EYA2: variants seen among roughly 807,000 people sequenced by gnomAD.
The protein encoded by EYA2 is protein phosphatase EYA2.
Under a neutral mutation model 69.2 loss-of-function variants are expected in EYA2, and 31 were observed. The observed-to-expected ratio is 0.45, with a 90% CI of 0.34 to 0.60. The LOEUF (loss-of-function observed/expected upper bound fraction) is 0.60, where lower values mean the gene tolerates loss of function less well. Ranked by LOEUF, EYA2 falls within the 20% of genes least tolerant of loss-of-function variation. EYA2 has a pLI of 0.02. For synonymous variants in EYA2, 257 were observed against 279.4 expected, an observed-to-expected ratio of 0.92 and a Z score of 0.80; for missense variants, 622 against 701.2, an observed-to-expected ratio of 0.89 and a Z score of 1.28.
chr20:46,896,961 T>G (rs1321119488), intron 1 of EYA2, among the ~76,000 whole-genome samples: 1 of 152,072 alleles, frequency 6.6e-6, no homozygotes, highest in African/African-American at 2.4e-5. Flanking sequence ...TCAGAAAAAC[T>G]AAAGGAAATA....
intron 10 of EYA2, among the ~76,000 whole-genome samples, chr20:47,162,693 A>G (rs781223121): frequency 1.3e-5 from 2 of 151,458 alleles, no homozygotes. Flanking sequence ...TAATTTTTGT[A>G]TTTTTGGTAG....
chr20:46,938,427 G>A (rs1600561812), intron 1 of EYA2, among the ~76,000 whole-genome samples: 1 of 152,306 alleles, frequency 6.6e-6, no homozygotes, highest in South Asian at 2.1e-4. Flanking sequence ...TATCATATCT[G>A]TAGGTCAGGA....
chr20:47,029,913 T>G (rs1330887549), intron 5 of EYA2, among the ~76,000 whole-genome samples: 5 of 152,222 alleles, frequency 3.3e-5, no homozygotes, highest in African/African-American at 9.6e-5. Flanking sequence ...TGGACTGATG[T>G]GTTGGAACAG....
At chr20:46,966,978 G>GT (rs1350940421) in intron 1 of EYA2, among the ~76,000 whole-genome samples, 2 of 151,824 alleles carry the variant, frequency 1.3e-5, no homozygotes, top group African/African-American at 4.9e-5. Context: ...ATCTCAATTT[G>GT]TTTTTTGTTT....
At chr20:46,949,831 C>G (rs561735447) in intron 1 of EYA2, among the ~76,000 whole-genome samples, 18 of 152,338 alleles carry the variant, frequency 1.2e-4, no homozygotes, top group African/African-American at 4.3e-4. Context: ...TGGTTGCAAC[C>G]CTTGGCTGTG....
intron 3 of EYA2, among the ~76,000 whole-genome samples, chr20:47,004,185 G>T (rs1473106590): frequency 6.6e-6 from 1 of 152,148 alleles, no homozygotes; most frequent in Non-Finnish European, 1.5e-5. Context: ...ATTTTTGGGG[G>T]AATATCTGGA....
intron 1 of EYA2, among the ~76,000 whole-genome samples, chr20:46,955,437 C>T (rs962112276): frequency 1.3e-5 from 2 of 152,242 alleles, no homozygotes; most frequent in East Asian, 1.9e-4. Flanking sequence ...AACCTCTACA[C>T]ACTTTGGGGT....
At chr20:47,117,446 T>C in intron 9 of EYA2, 1 of 985,304 alleles carries the variant, frequency 1.0e-6, no homozygotes, top group Non-Finnish European at 1.2e-6. Context: ...TGACCTGATC[T>C]CCACAGCTCC....
chr20:47,010,974 A>T (rs1983024274), intron 4 of EYA2, among the ~76,000 whole-genome samples: 1 of 152,034 alleles, frequency 6.6e-6, no homozygotes, highest in Admixed American at 6.6e-5. Flanking sequence ...TTTTTAGTAG[A>T]GACAGGGTTT....
rs901016445 is a variant in EYA2, at chr20:47,056,835, A to G, written c.416-15350A>G. Among the ~76,000 whole-genome samples the G allele has an allele frequency of 4.6e-5, 7 of 152,222 alleles. No homozygotes were observed. In the East Asian group the frequency reaches 1.2e-3, roughly 25 times the overall value. On this transcript the variant is annotated intron_variant, in intron 5 of 15. Coordinates refer to ENST00000327619, the MANE Select transcript of EYA2 (RefSeq NM_005244.5). ...CGAGGCGGGCAGATTGCTTGAGCCCAGAAGTTCGAGACCAGCCTAGGCAAG... is the reference window on the plus strand; with the variant it reads ...CGAGGCGGGCAGATTGCTTGAGCCCGGAAGTTCGAGACCAGCCTAGGCAAG...
At chr20:47,076,437 T>C (rs967943249) in intron 7 of EYA2, among the ~76,000 whole-genome samples, 2 of 152,226 alleles carry the variant, frequency 1.3e-5, no homozygotes, top group African/African-American at 4.8e-5. Flanking sequence ...GTGGTTTTGA[T>C]TTGCATTTCC....
intron 1 of EYA2, among the ~76,000 whole-genome samples, chr20:46,898,253 G>GT (rs3085767): frequency 0.32 from 43,462 of 136,554 alleles, 7,592 homozygotes; most frequent in East Asian, 0.44. Context: ...TTTTGTGTTG[G>GT]TTTTTTTTTT....
At chr20:46,945,967 T>C (rs1367491788) in intron 1 of EYA2, among the ~76,000 whole-genome samples, 2 of 152,188 alleles carry the variant, frequency 1.3e-5, no homozygotes, top group East Asian at 3.9e-4. Flanking sequence ...TGGGATCCGG[T>C]GTGCCTGGGA....
chr20:46,953,989 C>A (rs972146105), intron 1 of EYA2, among the ~76,000 whole-genome samples: 1 of 152,122 alleles, frequency 6.6e-6, no homozygotes, highest in Non-Finnish European at 1.5e-5. Context: ...GTTCTTCTCT[C>A]CCTGTGACCC....
intron 5 of EYA2, among the ~76,000 whole-genome samples, chr20:47,025,373 G>A (rs1453706533): frequency 1.3e-5 from 2 of 152,158 alleles, no homozygotes; most frequent in African/African-American, 4.8e-5. Context: ...ATTATCACAT[G>A]ATGGCAGAAA....
At chr20:47,152,260 C>T (rs1353501031) in intron 10 of EYA2, among the ~76,000 whole-genome samples, 1 of 152,020 alleles carries the variant, frequency 6.6e-6, no homozygotes, top group Non-Finnish European at 1.5e-5. Context: ...ATCCTCTAGT[C>T]TGGCATGTTT....
intron 5 of EYA2, among the ~76,000 whole-genome samples, chr20:47,058,430 C>T (rs2030737162): frequency 6.6e-6 from 1 of 152,210 alleles, no homozygotes; most frequent in Non-Finnish European, 1.5e-5. Flanking sequence ...TGAGGAAACT[C>T]ACACACAGGC....
intron 1 of EYA2, among the ~76,000 whole-genome samples, chr20:46,958,332 C>A (rs1979259510): frequency 6.6e-6 from 1 of 152,138 alleles, no homozygotes; most frequent in East Asian, 1.9e-4. Context: ...CTTGAAAATG[C>A]CCTCATTTCT....
intron 1 of EYA2, among the ~76,000 whole-genome samples, chr20:46,954,147 G>A (rs1978976202): frequency 6.6e-6 from 1 of 151,942 alleles, no homozygotes; most frequent in Admixed American, 6.6e-5. Flanking sequence ...CCACTTCAGG[G>A]GTCTGCTCAA....
Sources: allele counts gnomAD v4.1 joint callset (sites outside exome capture counted in the v4.1 genomes callset), GRCh38; gene constraint gnomAD v4.1.1; transcripts MANE v1.5; gene names NCBI Gene and HGNC (gene_info 2026-07-23, HGNC 2026-07-21).